The following CCNB3 variants were observed in gnomAD, a reference collection of about 807,000 sequenced individuals.
The protein encoded by CCNB3 is cyclin B3.
A neutral mutation model predicts 68.0 loss-of-function variants in CCNB3; 12 were observed. The observed-to-expected ratio is 0.18, with a 90% CI of 0.11 to 0.29. The LOEUF (loss-of-function observed/expected upper bound fraction) is 0.29. Among genes scored for constraint, CCNB3 ranks in the 10% least tolerant of loss-of-function variants. CCNB3 has a pLI of 1.00. For missense variants in CCNB3, 904 were observed against 993.1 expected, an observed-to-expected ratio of 0.91 and a Z score of 1.21; for synonymous variants, 354 against 388.9, an observed-to-expected ratio of 0.91 and a Z score of 1.06.
At chrX:50,279,982 G>T (rs1936086214) in intron 1 of CCNB3, among the ~76,000 whole-genome samples, 2 of 76,061 alleles carry the variant, frequency 2.6e-5, no homozygotes, top group Admixed American at 1.9e-4. Context: ...AATATATGTA[G>T]AATATATGAA....
chrX:50,289,991 A>T (rs1385740596), intron 4 of CCNB3, among the ~76,000 whole-genome samples: 3 of 111,907 alleles, frequency 2.7e-5, no homozygotes, highest in African/African-American at 9.8e-5. Context: ...TTTCAGATTT[A>T]CTATCAATTG....
rs974548500 is a variant in CCNB3, at chrX:50,214,946, G to C, written c.-113+9996G>C. On this transcript the variant is annotated intron_variant, in intron 1 of 12. Transcript: ENST00000376042. ...TTAAACCTTCATCTTTGATCCATGA[G>C]GTATGTCGTTTCGTTTCCAAGTGTT... Among the ~76,000 whole-genome samples, 5 of 107,905 alleles carry C rather than the reference G, an allele frequency of 4.6e-5. No homozygotes were observed. In the Admixed American group the frequency reaches 5.0e-4, roughly 11 times the overall value. 93.7% of individuals were successfully genotyped at this position (107,905 alleles called of 115,157 possible). A position where few individuals can be genotyped will look rare whatever the true frequency, so the allele number is the denominator to read the frequency against.
chrX:50,299,910 T>C (rs1202554300), intron 5 of CCNB3, among the ~76,000 whole-genome samples: 2 of 111,673 alleles, frequency 1.8e-5, no homozygotes, highest in East Asian at 5.6e-4. Context: ...TCTCTTTTGA[T>C]CTTTGTTGGT....
Position 50,348,914 on chromosome X carries a change from G to A in CCNB3, c.3960+1139G>A, listed in dbSNP as rs781950869. ...GACCCTTGGATCCCATGGAAATCCAGTGGGCCGTGAGGGGGACAGCTGATG... is the reference window on the plus strand; with the variant it reads ...GACCCTTGGATCCCATGGAAATCCAATGGGCCGTGAGGGGGACAGCTGATG... On this transcript the variant is annotated intron_variant, in intron 11 of 12. Coordinates refer to ENST00000376042, the MANE Select transcript of CCNB3 (RefSeq NM_033031.3). Among the ~76,000 whole-genome samples, 3 of 112,682 alleles carry A rather than the reference G, an allele frequency of 2.7e-5. No individual in the cohort carries two copies. In the Admixed American group the frequency reaches 2.8e-4, roughly 11 times the overall value.
intron 5 of CCNB3, among the ~76,000 whole-genome samples, chrX:50,300,493 C>T (rs898539535): frequency 2.0e-4 from 22 of 111,801 alleles, no homozygotes; most frequent in African/African-American, 4.2e-4. Flanking sequence ...GAGTTTCTGC[C>T]GAGAGATCTG....
chrX:50,311,160 G>A lies in CCNB3; in HGVS notation c.2991G>A (p.Val997=). 8.3e-7 allele frequency: 1 copy of A among 1,206,591 alleles called. No homozygotes were observed. The highest frequency in any genetic ancestry group is 1.8e-5 in the South Asian group (1 of 56,632). Residue 997 remains valine, a synonymous_variant, in exon 6 of 13, where the codon GTG becomes GTA. Coordinates refer to ENST00000376042, the MANE Select transcript of CCNB3 (RefSeq NM_033031.3). ...CCAGCATTGCTACCATGACCAGTGT[G>A]GGCAAATCTGGTACCATCAATGAGG... The part of the protein sequence containing the change: ...SKSSIATMTS[V]GKSGTINEAF...
chrX:50,301,551 G>T (rs782174208), intron 5 of CCNB3, among the ~76,000 whole-genome samples: 45 of 112,286 alleles, frequency 4.0e-4, no homozygotes, highest in African/African-American at 1.4e-3. Flanking sequence ...CCTACTTGGG[G>T]GTGCCTCCCA....
intron 1 of CCNB3, among the ~76,000 whole-genome samples, chrX:50,208,988 C>T (rs1359721851): frequency 8.9e-6 from 1 of 111,773 alleles, no homozygotes; most frequent in Non-Finnish European, 1.9e-5. Context: ...CCAAGGAATT[C>T]ATCCATTTCT....
intron 1 of CCNB3, among the ~76,000 whole-genome samples, chrX:50,222,258 C>T (rs1334052125): frequency 2.7e-5 from 3 of 111,095 alleles, no homozygotes; most frequent in Non-Finnish European, 5.7e-5. Flanking sequence ...GCATTTAGCC[C>T]GTTTACATTT....
At chrX:50,348,301 C>G (rs1923504205) in intron 11 of CCNB3, among the ~76,000 whole-genome samples, 1 of 112,229 alleles carries the variant, frequency 8.9e-6, no homozygotes, top group African/African-American at 3.2e-5. Flanking sequence ...AAATAAAACT[C>G]ATATTTGATG....
chrX:50,317,641 C>T lies in CCNB3; in HGVS notation c.3516+3693C>T, dbSNP rs782416034. The stretch of plus-strand genomic sequence containing the variant: ...CTGGAGTGCAATGGTGTGGTCTCAG[C>T]TTACTGCAACCTCCGCCTCCCAGGT... On this transcript the variant is annotated intron_variant, in intron 8 of 12. Transcript: ENST00000376042. Among the ~76,000 whole-genome samples, 3 of 110,278 alleles carry T rather than the reference C, an allele frequency of 2.7e-5. No homozygotes were observed. In the South Asian group the frequency reaches 1.2e-3, roughly 43 times the overall value.
chrX:50,279,507 G>A (rs1232144420), intron 1 of CCNB3, among the ~76,000 whole-genome samples: 1 of 78,358 alleles, frequency 1.3e-5, no homozygotes, highest in African/African-American at 4.9e-5. Context: ...ATATATGAAT[G>A]TATTTATTCA....
intron 1 of CCNB3, among the ~76,000 whole-genome samples, chrX:50,220,708 C>T (rs1312036579): frequency 1.8e-5 from 2 of 111,663 alleles, no homozygotes; most frequent in East Asian, 2.8e-4. Context: ...CATCAATGTT[C>T]GTCAGGGATA....
At chrX:50,311,968 A>T (rs781833933) in intron 6 of CCNB3, among the ~76,000 whole-genome samples, 19 of 110,660 alleles carry the variant, frequency 1.7e-4, no homozygotes, top group Non-Finnish European at 3.2e-4. Context: ...TTCATTCAGG[A>T]AATTGCCTTT....
chrX:50,312,105 G>A (rs1247198053), intron 6 of CCNB3, among the ~76,000 whole-genome samples: 1 of 110,553 alleles, frequency 9.0e-6, no homozygotes, highest in Non-Finnish European at 1.9e-5. Context: ...TATTTAGCAA[G>A]CAGGAGGAGA....
At chrX:50,321,150 G>T (rs1921994132) in intron 8 of CCNB3, among the ~76,000 whole-genome samples, 2 of 111,806 alleles carry the variant, frequency 1.8e-5, no homozygotes, top group Admixed American at 1.9e-4. Flanking sequence ...CATGTTGACA[G>T]CTATCCTTCT....
intron 8 of CCNB3, among the ~76,000 whole-genome samples, chrX:50,336,968 A>G (rs1380007038): frequency 8.9e-6 from 1 of 111,798 alleles, no homozygotes; most frequent in Non-Finnish European, 1.9e-5. Flanking sequence ...GAGCAAGTCA[A>G]TTAAAGCTTG....
intron 1 of CCNB3, among the ~76,000 whole-genome samples, chrX:50,216,385 C>T (rs1014774388): frequency 2.8e-4 from 31 of 109,838 alleles, no homozygotes; most frequent in Admixed American, 8.8e-4. Flanking sequence ...TCTTGTGCCT[C>T]GGCCTCCCAA....
Position 50,215,941 on chromosome X carries a change from CTTTTTTT to C in CCNB3, c.-113+11010_-113+11016del, listed in dbSNP as rs1195858030. On this transcript the variant is annotated intron_variant, in intron 1 of 12. Coordinates refer to ENST00000376042, the MANE Select transcript of CCNB3 (RefSeq NM_033031.3). ...GACAGCATGTCATTGGGGTGTGCTT[CTTTTTTT>C]TTTTTTTTTTTTTTTTTTGAGACAG... is the stretch of plus-strand genomic sequence containing the variant. Among the ~76,000 whole-genome samples the C allele has an allele frequency of 2.1e-4, 11 of 52,481 alleles. No homozygotes were observed. In the Admixed American group the frequency reaches 2.4e-3, roughly 11 times the overall value. The allele number at this position is 52,481 out of a possible 115,157, so 45.6% of individuals were successfully genotyped here.
Sources: allele counts gnomAD v4.1 joint callset (sites outside exome capture counted in the v4.1 genomes callset), GRCh38; gene constraint gnomAD v4.1.1; transcripts MANE v1.5; gene names NCBI Gene and HGNC (gene_info 2026-07-23, HGNC 2026-07-21).